Variants in CCSER1 observed in about 807,000 individuals in gnomAD.
The protein encoded by CCSER1 is serine-rich coiled-coil domain-containing protein 1.
Under a neutral mutation model 82.0 loss-of-function variants are expected in CCSER1, and 41 were observed. That is an observed-to-expected ratio of 0.50 (90% CI 0.39 to 0.65). CCSER1 has a LOEUF of 0.65. Among genes scored for constraint, CCSER1 ranks in the 30% least tolerant of loss-of-function variants. CCSER1 has a pLI of 0.00. For synonymous variants in CCSER1, 414 were observed against 383.9 expected, an observed-to-expected ratio of 1.08 and a Z score of -0.92; for missense variants, 1,119 against 1,064.2, an observed-to-expected ratio of 1.05 and a Z score of -0.72.
intron 8 of CCSER1, among the ~76,000 whole-genome samples, chr4:90,854,901 G>A (rs1764283705): frequency 6.6e-6 from 1 of 152,226 alleles, no homozygotes; most frequent in African/African-American, 2.4e-5. Context: ...TCTACAGAAA[G>A]TATGGCTGGG....
chr4:91,448,841 A>G (rs1401840134), intron 10 of CCSER1, among the ~76,000 whole-genome samples: 1 of 152,170 alleles, frequency 6.6e-6, no homozygotes, highest in Non-Finnish European at 1.5e-5. Context: ...CTGCCCTTGC[A>G]GAACTTGCAT....
chr4:91,152,252 C>A (rs1027873149), intron 10 of CCSER1, among the ~76,000 whole-genome samples: 1 of 152,054 alleles, frequency 6.6e-6, no homozygotes, highest in Non-Finnish European at 1.5e-5. Flanking sequence ...CTCTTTTGAT[C>A]TTTGTTCTTT....
At chr4:90,591,077 A>G (rs1177525966) in intron 5 of CCSER1, among the ~76,000 whole-genome samples, 3 of 152,058 alleles carry the variant, frequency 2.0e-5, no homozygotes, top group Non-Finnish European at 4.4e-5. Flanking sequence ...ATGGGAGTTC[A>G]CTCATGATTT....
intron 10 of CCSER1, among the ~76,000 whole-genome samples, chr4:91,156,354 G>T (rs1730818639): frequency 6.6e-6 from 1 of 151,430 alleles, no homozygotes; most frequent in African/African-American, 2.4e-5. Flanking sequence ...CATTTGCTCT[G>T]TCCTTCACTT....
At chr4:90,310,163 A>G (rs1735046460) in intron 2 of CCSER1, among the ~76,000 whole-genome samples, 1 of 152,080 alleles carries the variant, frequency 6.6e-6, no homozygotes, top group South Asian at 2.1e-4. Context: ...GTAAGCTTAA[A>G]AAAACCTATC....
intron 3 of CCSER1, among the ~76,000 whole-genome samples, chr4:90,332,424 C>T (rs1295302905): frequency 6.6e-6 from 1 of 151,848 alleles, no homozygotes; most frequent in Non-Finnish European, 1.5e-5. Context: ...TTAGTAGAGA[C>T]GGGGTTTCAC....
At chr4:90,396,504 T>C (rs1018910862) in intron 3 of CCSER1, among the ~76,000 whole-genome samples, 1 of 152,192 alleles carries the variant, frequency 6.6e-6, no homozygotes, top group African/African-American at 2.4e-5. Context: ...AAAACCAATA[T>C]AAATTAACAA....
intron 1 of CCSER1, among the ~76,000 whole-genome samples, chr4:90,217,424 T>C (rs12641481): frequency 6.6e-6 from 1 of 151,904 alleles, no homozygotes; most frequent in Non-Finnish European, 1.5e-5. Context: ...GTCTCAAAAC[T>C]CCTGACCTTG....
chr4:90,494,489 T>C (rs992944766), intron 5 of CCSER1, among the ~76,000 whole-genome samples: 6 of 152,204 alleles, frequency 3.9e-5, no homozygotes, highest in Admixed American at 3.9e-4. Flanking sequence ...ATCACACTTA[T>C]TCCAAAACTG....
Position 90,152,528 on chromosome 4 carries a change from T to C in CCSER1, c.-42+24697T>C, listed in dbSNP as rs922890730. On this transcript the variant is annotated intron_variant, in intron 1 of 10. Transcript: ENST00000509176. ...GGGATGGGAAAGGGAGAATGGATCC[T>C]GAGTAGGCAGCCTACAATGTCCAGT... Among the ~76,000 whole-genome samples the C allele has an allele frequency of 4.6e-5, 7 of 152,228 alleles. 1 individual carries two copies. In the South Asian group the frequency reaches 1.5e-3, roughly 32 times the overall value.
intron 7 of CCSER1, among the ~76,000 whole-genome samples, chr4:90,750,754 T>A (rs1253887657): frequency 6.6e-6 from 1 of 152,174 alleles, no homozygotes; most frequent in Non-Finnish European, 1.5e-5. Context: ...ACAGTATACA[T>A]TCAATTTTAT....
intron 10 of CCSER1, among the ~76,000 whole-genome samples, chr4:91,443,973 T>C (rs1755386924): frequency 6.6e-6 from 1 of 152,016 alleles, no homozygotes; most frequent in African/African-American, 2.4e-5. Flanking sequence ...TGAAATTATA[T>C]GTCCTGGCTT....
intron 10 of CCSER1, among the ~76,000 whole-genome samples, chr4:91,479,620 G>A (rs1237425709): frequency 1.3e-5 from 2 of 151,142 alleles, no homozygotes; most frequent in Admixed American, 6.6e-5. Context: ...TCAGGGTATG[G>A]TAAGATGGAG....
rs138305931 is a variant in CCSER1, at chr4:90,493,855, A to C, written c.1724+25501A>C. 7.7e-4 allele frequency among the ~76,000 whole-genome samples: 118 copies of C among 152,360 alleles called. 1 individual carries two copies. Among genetic ancestry groups the C allele is most frequent in the African/African-American group, 2.6e-3 (107 of 41,596 alleles). ...ATCAAGGCTAGGAAGAAACTGCCTC[A>C]GCTAATGAGCAAAATAATCCGCTAA... On this transcript the variant is annotated intron_variant, in intron 5 of 10. Coordinates refer to ENST00000509176, the MANE Select transcript of CCSER1 (RefSeq NM_001145065.2).
intron 1 of CCSER1, among the ~76,000 whole-genome samples, chr4:90,289,490 C>T (rs1054523105): frequency 5.3e-5 from 8 of 151,888 alleles, no homozygotes; most frequent in African/African-American, 1.9e-4. Flanking sequence ...GAGAGTTCAT[C>T]TTTCACATGG....
rs570497533 is a variant in CCSER1, at chr4:90,603,658, C to A, written c.1725-24367C>A. ...TTAGTAAATAACCTTGTACATCTCC[C>A]TTTTGGCACATGTGGGAGGATTTCC... On this transcript the variant is annotated intron_variant, in intron 5 of 10. Coordinates refer to ENST00000509176, the MANE Select transcript of CCSER1 (RefSeq NM_001145065.2). 3.4e-4 allele frequency among the ~76,000 whole-genome samples: 52 copies of A among 152,304 alleles called. 1 individual carries two copies. The South Asian group carries it at 9.9e-3, about 29-fold the overall frequency.
intron 9 of CCSER1, among the ~76,000 whole-genome samples, chr4:91,025,160 T>G (rs1740378007): frequency 6.6e-6 from 1 of 152,154 alleles, no homozygotes; most frequent in Non-Finnish European, 1.5e-5. Flanking sequence ...TAGACTCAAA[T>G]ATTTTTCAGA....
Position 90,263,436 on chromosome 4 carries a change from C to T in CCSER1, c.-41-44808C>T, listed in dbSNP as rs116416494. The stretch of plus-strand genomic sequence containing the variant: ...GGAGTGATGTAGACCCTGTGAGATT[C>T]CTTGGTTGTAGATAGGCTTAGTGTG... On this transcript the variant is annotated intron_variant, in intron 1 of 10. Transcript: ENST00000509176. Among the ~76,000 whole-genome samples, 1,505 of 152,252 alleles carry T rather than the reference C, an allele frequency of 9.9e-3. 11 individuals are homozygous for T. The highest frequency in any genetic ancestry group is 0.015 in the Non-Finnish European group (1,022 of 68,020).
intron 8 of CCSER1, among the ~76,000 whole-genome samples, chr4:90,884,251 A>G (rs945645224): frequency 6.6e-5 from 10 of 152,216 alleles, no homozygotes; most frequent in African/African-American, 2.2e-4. Context: ...TATTTGGCAT[A>G]TAGTACATTC....
Sources: gnomAD v4.1 joint callset for allele counts (sites outside exome capture counted in the v4.1 genomes callset) on GRCh38, gnomAD v4.1.1 for gene constraint, MANE v1.5 for transcripts, NCBI Gene and HGNC (gene_info 2026-07-23, HGNC 2026-07-21) for gene names.